The following RNLS variants were observed in gnomAD, a reference collection of about 807,000 sequenced individuals.
RNLS encodes renalase.
RNLS carries 39 observed loss-of-function variants against 39.8 expected under a neutral mutation model. That is an observed-to-expected ratio of 0.98 (90% CI 0.76 to 1.28). The LOEUF (loss-of-function observed/expected upper bound fraction) is 1.28, where lower values mean the gene tolerates loss of function less well. Ranked by LOEUF, RNLS falls within the 50% of genes most tolerant of loss-of-function variation. The pLI, the probability that RNLS is intolerant of heterozygous loss-of-function variation, is 0.00. For missense variants in RNLS, 410 were observed against 413.3 expected, an observed-to-expected ratio of 0.99 and a Z score of 0.07; for synonymous variants, 147 against 150.7, an observed-to-expected ratio of 0.98 and a Z score of 0.18.
At chr10:88,354,204 A>T (rs1418437832) in intron 5 of RNLS, among the ~76,000 whole-genome samples, 2 of 152,178 alleles carry the variant, frequency 1.3e-5, no homozygotes, top group Non-Finnish European at 2.9e-5. Flanking sequence ...TGGAGCATTT[A>T]GCCTGTTTAC....
chr10:88,445,590 A>G (rs1485978078), intron 4 of RNLS, among the ~76,000 whole-genome samples: 1 of 152,232 alleles, frequency 6.6e-6, no homozygotes, highest in Non-Finnish European at 1.5e-5. Context: ...AGCGACACAC[A>G]TAGGCTCAAA....
At chr10:88,212,186 C>T in the RNLS span, among the ~76,000 whole-genome samples, 2 of 152,300 alleles carry the variant, frequency 1.3e-5, no homozygotes, top group East Asian at 3.9e-4. Flanking sequence ...TCCCTTACTT[C>T]ACCAAGAGAA....
intron 3 of RNLS, among the ~76,000 whole-genome samples, chr10:88,575,159 TAC>T (rs375572767): frequency 0.018 from 761 of 43,264 alleles, 4 homozygotes; most frequent in East Asian, 0.022. Context: ...TATATATATA[TAC>T]ACACACACAC....
At chr10:88,192,507 T>C in the RNLS span, among the ~76,000 whole-genome samples, 1 of 152,232 alleles carries the variant, frequency 6.6e-6, no homozygotes, top group Non-Finnish European at 1.5e-5. Context: ...TGCCATCCCA[T>C]GCGGGGGAAT....
chr10:88,562,794 C>T (rs532525663), intron 4 of RNLS, among the ~76,000 whole-genome samples: 5 of 151,944 alleles, frequency 3.3e-5, no homozygotes, highest in South Asian at 2.1e-4. Context: ...TAGATACCAA[C>T]GGAAAAGATA....
At chr10:88,425,103 C>A (rs185115053) in intron 4 of RNLS, among the ~76,000 whole-genome samples, 80 of 152,186 alleles carry the variant, frequency 5.3e-4, no homozygotes, top group African/African-American at 1.9e-3. Context: ...CAGCCATTGG[C>A]AGCATGTTAC....
At chr10:88,539,877 T>G (rs1414187060) in intron 4 of RNLS, among the ~76,000 whole-genome samples, 1 of 152,090 alleles carries the variant, frequency 6.6e-6, no homozygotes, top group African/African-American at 2.4e-5. Context: ...ATATTCACCT[T>G]TATTTGTTCC....
chr10:88,509,437 TAAG>T (rs899295002), intron 4 of RNLS, among the ~76,000 whole-genome samples: 3 of 90,314 alleles, frequency 3.3e-5, no homozygotes, highest in South Asian at 4.2e-4. Flanking sequence ...AGAAAGGAAA[TAAG>T]AGAGAGAGAG....
intron 4 of RNLS, among the ~76,000 whole-genome samples, chr10:88,381,999 T>C (rs1214240341): frequency 1.3e-5 from 2 of 152,150 alleles, no homozygotes; most frequent in Non-Finnish European, 2.9e-5. Context: ...TTCATATATA[T>C]ATCTATTATC....
At chr10:88,521,925 A>G (rs1321730807) in intron 4 of RNLS, among the ~76,000 whole-genome samples, 1 of 152,048 alleles carries the variant, frequency 6.6e-6, no homozygotes, top group Admixed American at 6.6e-5. Context: ...TTTCCATCAT[A>G]AAGCTTGTTA....
At chr10:88,173,484 A>G in the RNLS span, among the ~76,000 whole-genome samples, 1 of 152,162 alleles carries the variant, frequency 6.6e-6, no homozygotes, top group African/African-American at 2.4e-5. Context: ...TGTTTCATAC[A>G]CATTTTAGGA....
At chr10:88,355,734 A>C (rs1478023261) in intron 5 of RNLS, among the ~76,000 whole-genome samples, 1 of 152,102 alleles carries the variant, frequency 6.6e-6, no homozygotes, top group Non-Finnish European at 1.5e-5. Flanking sequence ...TACTCTCTTC[A>C]AAGCTGTCAG....
At chr10:88,184,021 GA>G in the RNLS span, among the ~76,000 whole-genome samples, 2 of 152,144 alleles carry the variant, frequency 1.3e-5, no homozygotes, top group African/African-American at 4.8e-5. Flanking sequence ...AAAGAGCTGA[GA>G]GAAGATTAGA....
rs527617227 is a variant in RNLS at position 88,475,500 on chromosome 10, G to A, written c.526+97403C>T. Among the ~76,000 whole-genome samples, 7 of 152,196 alleles carry A rather than the reference G, an allele frequency of 4.6e-5. 1 individual carries two copies. Among genetic ancestry groups the A allele is most frequent in the African/African-American group, 9.6e-5 (4 of 41,530 alleles). ...TTTTCAATGATCTTTTTAACCCTCAGTTGTCCTTTCTTTTCTTCTAACTTC... is the reference window on the plus strand; with the variant it reads ...TTTTCAATGATCTTTTTAACCCTCAATTGTCCTTTCTTTTCTTCTAACTTC... On this transcript the variant is annotated intron_variant, in intron 4 of 6. Transcript: ENST00000331772.
At chr10:88,513,878 T>G (rs895158780) in intron 4 of RNLS, among the ~76,000 whole-genome samples, 1 of 152,166 alleles carries the variant, frequency 6.6e-6, no homozygotes, top group African/African-American at 2.4e-5. Flanking sequence ...TTTAAATACA[T>G]GACAATACCA....
intron 5 of RNLS, among the ~76,000 whole-genome samples, chr10:88,321,090 A>G (rs1189049883): frequency 2.6e-5 from 4 of 152,050 alleles, no homozygotes; most frequent in Non-Finnish European, 4.4e-5. Flanking sequence ...TCAAAATCAT[A>G]TCAAGCATCT....
chr10:88,214,722 T>C, the RNLS span, among the ~76,000 whole-genome samples: 75 of 152,356 alleles, frequency 4.9e-4, no homozygotes, highest in African/African-American at 1.7e-3. Context: ...ATTTAAAACA[T>C]GTTCCTTTTT....
chr10:88,328,945 T>C (rs928078990), intron 5 of RNLS, among the ~76,000 whole-genome samples: 5 of 152,166 alleles, frequency 3.3e-5, no homozygotes, highest in Admixed American at 6.6e-5. Flanking sequence ...GTCTTTATTT[T>C]ATCTGCATTT....
chr10:88,472,931 G>T (rs947893216), intron 4 of RNLS, among the ~76,000 whole-genome samples: 9 of 152,190 alleles, frequency 5.9e-5, no homozygotes, highest in Non-Finnish European at 1.5e-5. Flanking sequence ...AACTAGTCAT[G>T]CATAACTTAA....
Sources: gnomAD v4.1 joint callset for allele counts (sites outside exome capture counted in the v4.1 genomes callset) on GRCh38, gnomAD v4.1.1 for gene constraint, MANE v1.5 for transcripts, NCBI Gene and HGNC (gene_info 2026-07-23, HGNC 2026-07-21) for gene names.